Variants in PATJ observed in about 807,000 individuals in gnomAD.
PATJ encodes inaD-like protein.
A neutral mutation model predicts 224.9 loss-of-function variants in PATJ; 190 were observed. The ratio of observed to expected loss-of-function variants is 0.84; its 90% CI spans 0.75 to 0.95. PATJ has a LOEUF of 0.95. Ranked by LOEUF, PATJ falls within the 40% of genes least tolerant of loss-of-function variation. PATJ has a pLI of 0.00. For synonymous variants in PATJ, 769 were observed against 820.3 expected (o/e 0.94, Z 1.07); for missense variants, 2,121 against 2,270.3 (o/e 0.93, Z 1.34).
chr1:62,124,959 G>A (rs1023665390), intron 39 of PATJ, among the ~76,000 whole-genome samples: 5 of 152,110 alleles, frequency 3.3e-5, no homozygotes, highest in Non-Finnish European at 5.9e-5. Context: ...GGGTGCGGTG[G>A]CTCATACCTG....
intron 26 of PATJ, among the ~76,000 whole-genome samples, chr1:61,917,662 A>G (rs1673635787): frequency 6.6e-6 from 1 of 152,028 alleles, no homozygotes; most frequent in Non-Finnish European, 1.5e-5. Context: ...GGAAATTTTC[A>G]TTTATATACT....
intron 14 of PATJ, among the ~76,000 whole-genome samples, chr1:61,814,547 T>TGTGCGCGCGCGCGC (rs370488022): frequency 1.6e-4 from 23 of 142,568 alleles, no homozygotes; most frequent in African/African-American, 6.2e-4. Flanking sequence ...TGTGTGTGTG[T>TGTGCGCGCGCGCGC]GCGCGCGCGC....
At position 62,157,184 on chromosome 1, in the gene PATJ, C is replaced by A. The variant is rs573744050; in HGVS notation, c.5502+3703C>A. ...ACTAAAAACACAAAAATTAGCTGGG[C>A]ATAGTGGCAGGTGCCTGTAATCCAA... On this transcript the variant is annotated intron_variant, in intron 43 of 43. Coordinates refer to ENST00000642238, the MANE Select transcript of PATJ (RefSeq NM_001350145.3). Among the ~76,000 whole-genome samples, 599 of 151,760 alleles carry A rather than the reference C, an allele frequency of 3.9e-3. 7 individuals carry two copies. Among genetic ancestry groups the A allele is most frequent in the African/African-American group, 0.014 (572 of 41,376 alleles).
At position 62,106,737 on chromosome 1, in the gene PATJ, G is replaced by A. The variant is rs1031337420; in HGVS notation, c.4378-1700G>A. ...CCCTGTGGTCATTGCCATCAGCACT[G>A]CCTGCTCATCATCAAGCCTATTCTT... On this transcript the variant is annotated intron_variant, in intron 33 of 43. Transcript: ENST00000642238. 5.9e-5 allele frequency among the ~76,000 whole-genome samples: 9 copies of A among 152,122 alleles called. 1 individual carries two copies. The South Asian group carries it at 1.2e-3, about 21-fold the overall frequency.
intron 43 of PATJ, among the ~76,000 whole-genome samples, chr1:62,157,504 C>T (rs1342689777): frequency 1.3e-5 from 2 of 148,780 alleles, no homozygotes; most frequent in South Asian, 4.5e-4. Flanking sequence ...CAAGTCCTTC[C>T]GTTTTCTTTC....
At chr1:61,927,215 A>G (rs1277485388) in intron 26 of PATJ, among the ~76,000 whole-genome samples, 1 of 152,176 alleles carries the variant, frequency 6.6e-6, no homozygotes, top group Non-Finnish European at 1.5e-5. Context: ...GACCATCTAT[A>G]AATTATAGAT....
At chr1:61,937,542 G>A (rs946710272) in intron 27 of PATJ, among the ~76,000 whole-genome samples, 8 of 151,852 alleles carry the variant, frequency 5.3e-5, no homozygotes, top group Non-Finnish European at 1.2e-4. Context: ...TGCTTGCTAG[G>A]TGGAATAGTC....
chr1:62,148,141 A>AAAAAAAAAAT, intron 41 of PATJ, 143 bp from the exon 42 acceptor site: 4 of 471,912 alleles, frequency 8.5e-6, no homozygotes, highest in Non-Finnish European at 7.8e-6. Context: ...AAAAAAAAAA[A>AAAAAAAAAAT]GTTTGAGAGA....
At chr1:61,970,642 G>A (rs996041998) in intron 27 of PATJ, among the ~76,000 whole-genome samples, 4 of 152,080 alleles carry the variant, frequency 2.6e-5, no homozygotes, top group African/African-American at 9.7e-5. Flanking sequence ...GCAGGCATGT[G>A]CCACAAGCCT....
At chr1:62,058,896 CATTT>C (rs1217470084) in intron 31 of PATJ, among the ~76,000 whole-genome samples, 1 of 152,158 alleles carries the variant, frequency 6.6e-6, no homozygotes, top group East Asian at 1.9e-4. Context: ...AAATGTGTTT[CATTT>C]AGTCTATGCA....
At chr1:61,992,120 T>TC (rs1645101513) in intron 28 of PATJ, among the ~76,000 whole-genome samples, 1 of 150,506 alleles carries the variant, frequency 6.6e-6, no homozygotes, top group East Asian at 1.9e-4. Context: ...TGGGATTCTT[T>TC]TTTTTTTTTT....
chr1:61,961,126 G>A (rs988597682), intron 27 of PATJ, among the ~76,000 whole-genome samples: 1 of 152,136 alleles, frequency 6.6e-6, no homozygotes, highest in Non-Finnish European at 1.5e-5. Flanking sequence ...AAAGCTACAC[G>A]CTCTGGAACG....
intron 28 of PATJ, among the ~76,000 whole-genome samples, chr1:62,001,449 C>A (rs1257688603): frequency 6.7e-6 from 1 of 149,476 alleles, no homozygotes; most frequent in African/African-American, 2.5e-5. Context: ...AATAGGGAAT[C>A]CTTTCCCCAT....
At chr1:62,091,863 C>G (rs762840836) in intron 33 of PATJ, among the ~76,000 whole-genome samples, 15 of 152,048 alleles carry the variant, frequency 9.9e-5, no homozygotes, top group Non-Finnish European at 1.5e-4. Context: ...TTAAACCAGC[C>G]TGGCCAACAT....
Position 62,077,915 on chromosome 1 carries a change from G to A in PATJ, c.4126-1535G>A, listed in dbSNP as rs565313150. Among the ~76,000 whole-genome samples, 4 of 152,290 alleles carry A rather than the reference G, an allele frequency of 2.6e-5. No individual in the cohort carries two copies. In the South Asian group the frequency reaches 6.2e-4, roughly 24 times the overall value. ...AAAAGAAAAAAAGTAATATTTAACTGTCGGGGTTGTTCATGTGATTGAATG... is the reference window on the plus strand; with the variant it reads ...AAAAGAAAAAAAGTAATATTTAACTATCGGGGTTGTTCATGTGATTGAATG... On this transcript the variant is annotated intron_variant, in intron 31 of 43. Coordinates refer to ENST00000642238, the MANE Select transcript of PATJ (RefSeq NM_001350145.3).
chr1:62,009,502 G>A (rs1025683550), intron 28 of PATJ, among the ~76,000 whole-genome samples: 1 of 152,240 alleles, frequency 6.6e-6, no homozygotes, highest in African/African-American at 2.4e-5. Context: ...GGAGAGTCTC[G>A]CCTCCATGTT....
chr1:62,064,113 A>G (rs934584594), intron 31 of PATJ, among the ~76,000 whole-genome samples: 1 of 152,140 alleles, frequency 6.6e-6, no homozygotes, highest in African/African-American at 2.4e-5. Flanking sequence ...CTTTTACACA[A>G]TCAATATGTT....
chr1:62,027,224 T>A (rs532499362), intron 29 of PATJ, among the ~76,000 whole-genome samples: 1 of 152,376 alleles, frequency 6.6e-6, no homozygotes, highest in East Asian at 1.9e-4. Context: ...CATGCAGTAT[T>A]TGTCCTTCTG....
In PATJ at chr1:62,084,546, C is replaced by T. The variant is rs1448321372; in HGVS notation, c.4275C>T (p.Pro1425=). 15 of 1,613,072 alleles carry T rather than the reference C, an allele frequency of 9.3e-6. No individual in the cohort carries two copies. The highest frequency in any genetic ancestry group is 2.2e-5 in the East Asian group (1 of 44,868). Residue 1425 remains proline (P), a synonymous_variant, in exon 33 of 44, where the codon CCC becomes CCT. Transcript: ENST00000642238. The part of the protein sequence containing the change: ...GGFQAPLSVD[P]ATCPIVPGQE... ...TCCAGGCTCCTCTGTCAGTGGACCC[C>T]GCAACGTGTCCCATTGTCCCTGGAC...
Sources: gnomAD v4.1 joint callset for allele counts (sites outside exome capture counted in the v4.1 genomes callset) on GRCh38, gnomAD v4.1.1 for gene constraint, MANE v1.5 for transcripts, NCBI Gene and HGNC (gene_info 2026-07-23, HGNC 2026-07-21) for gene names.